The following ZNF469 variants were observed in gnomAD, a reference collection of about 807,000 sequenced individuals.
ZNF469 encodes the protein zinc finger protein 469.
ZNF469 carries 1 observed loss-of-function variant against 1.0 expected under a neutral mutation model. That is an observed-to-expected ratio of 1.00 (90% CI 0.35 to 4.73). ZNF469 has a LOEUF of 4.73. Ranked by LOEUF, ZNF469 falls within the 30% of genes most tolerant of loss-of-function variation. ZNF469 has a pLI of 0.16. For missense variants in ZNF469, 6,100 were observed against 5,356.3 expected (o/e 1.14, Z -4.33); for synonymous variants, 2,703 against 2,363.4 (o/e 1.14, Z -4.17).
At chr16:88,168,610 T>C in the ZNF469 span, among the ~76,000 whole-genome samples, 1 of 152,206 alleles carries the variant, frequency 6.6e-6, no homozygotes, top group Non-Finnish European at 1.5e-5. The surrounding 1 kb of genome is among the most constrained non-coding windows in gnomAD (Gnocchi z 4.3). Flanking sequence ...AGATAAGTCA[T>C]TTTGTCCCCA....
chr16:88,331,172 TACCATCACCACC>T, the ZNF469 span, among the ~76,000 whole-genome samples: 1 of 106,130 alleles, frequency 9.4e-6, no homozygotes, highest in African/African-American at 3.9e-5. Context: ...TCACCATCAT[TACCATCACCACC>T]GTCGTCACCA....
the ZNF469 span, among the ~76,000 whole-genome samples, chr16:88,328,365 G>A: frequency 6.6e-6 from 1 of 152,242 alleles, no homozygotes; most frequent in African/African-American, 2.4e-5. Flanking sequence ...TTCCTTACCT[G>A]TGTGATGGGA....
the ZNF469 span, among the ~76,000 whole-genome samples, chr16:88,318,531 C>T: frequency 6.6e-6 from 1 of 151,846 alleles, no homozygotes; most frequent in African/African-American, 2.4e-5. Flanking sequence ...GTCAGGGAGA[C>T]GCGGTGGCCC....
the ZNF469 span, among the ~76,000 whole-genome samples, chr16:88,283,303 A>T: frequency 6.6e-6 from 1 of 152,156 alleles, no homozygotes; most frequent in South Asian, 2.1e-4. Flanking sequence ...ACTAAAAAAA[A>T]AAAAAGCAAC....
At chr16:88,220,537 T>C in the ZNF469 span, among the ~76,000 whole-genome samples, 1 of 152,162 alleles carries the variant, frequency 6.6e-6, no homozygotes, top group Non-Finnish European at 1.5e-5. Flanking sequence ...AACCGGGTGC[T>C]CTCATCCAAC....
At position 88,436,823 on chromosome 16, in the gene ZNF469, A is replaced by G; in HGVS notation, c.9353A>G (p.Lys3118Arg). The G allele has an allele frequency of 6.5e-7, 1 of 1,538,878 alleles. No individual in the cohort carries two copies. The highest frequency in any genetic ancestry group is 8.7e-7 in the Non-Finnish European group (1 of 1,145,866). ...GGCAGGCGGGCCTCCTACAAGTGCA[A>G]AGTGTGCTTCCAGCGCTTCCGCAGC... The part of the protein sequence containing the change: ...AKGRRASYKC[K>R]VCFQRFRSLG... Residue 3118 changes from lysine (K) to arginine (R), a missense_variant, in exon 3 of 3, where the codon AAA (lysine) becomes AGA (arginine). Transcript: ENST00000565624.
At chr16:88,396,256 A>G (rs545047523) in intron 1 of ZNF469, among the ~76,000 whole-genome samples, 1 of 152,288 alleles carries the variant, frequency 6.6e-6, no homozygotes, top group Non-Finnish European at 1.5e-5. Flanking sequence ...CCAGGTTCTC[A>G]GACAGGGCCG....
intron 1 of ZNF469, among the ~76,000 whole-genome samples, chr16:88,385,789 A>T (rs2092535606): frequency 6.6e-6 from 1 of 152,134 alleles, no homozygotes; most frequent in Non-Finnish European, 1.5e-5. Flanking sequence ...TGAGTGACCA[A>T]ACCCCTCTGG....
chr16:88,188,778 T>C, the ZNF469 span, among the ~76,000 whole-genome samples: 3,643 of 152,220 alleles, frequency 0.024, 154 homozygotes, highest in African/African-American at 0.083. Context: ...CCTGCCCAGA[T>C]CCACTGCACG....
the ZNF469 span, among the ~76,000 whole-genome samples, chr16:88,305,621 C>T: frequency 4.6e-5 from 7 of 151,734 alleles, 1 homozygote; most frequent in Admixed American, 6.6e-5. Flanking sequence ...CACACCCTCA[C>T]GTGCACACAC....
At chr16:88,367,884 C>T in the ZNF469 span, among the ~76,000 whole-genome samples, 95 of 152,360 alleles carry the variant, frequency 6.2e-4, no homozygotes, top group African/African-American at 2.1e-3. Context: ...AGCCCCCACA[C>T]TGCTGAACCA....
the ZNF469 span, among the ~76,000 whole-genome samples, chr16:88,331,325 G>C: frequency 7.6e-6 from 1 of 131,264 alleles, no homozygotes; most frequent in Admixed American, 7.6e-5. Flanking sequence ...TTGTTACCAT[G>C]ACCATCACCA....
chr16:88,343,330 G>C, the ZNF469 span, among the ~76,000 whole-genome samples: 1 of 152,206 alleles, frequency 6.6e-6, no homozygotes, highest in Non-Finnish European at 1.5e-5. Flanking sequence ...GTAACATAAA[G>C]TATCGAATGG....
chr16:88,154,022 A>G, the ZNF469 span, among the ~76,000 whole-genome samples: 8 of 152,232 alleles, frequency 5.3e-5, no homozygotes, highest in African/African-American at 1.9e-4. Context: ...GAATTTGGGG[A>G]CACAGCTCAA....
Position 88,428,339 on chromosome 16 carries a change from C to G in ZNF469, c.869C>G (p.Ala290Gly). Reference sequence around the variant, plus strand: ...GGGGCCAGCACAAAACCCTTCCCTGCGGATGTGGCTGGGCACGCATTCACC... The same window carrying G: ...GGGGCCAGCACAAAACCCTTCCCTGGGGATGTGGCTGGGCACGCATTCACC... The part of the protein sequence containing the change: ...LHGASTKPFP[A>G]DVAGHAFTNG... Residue 290 changes from alanine to glycine, a missense_variant, in exon 3 of 3, where the codon GCG (alanine) becomes GGG (glycine). Transcript: ENST00000565624. 6.5e-7 allele frequency: 1 copy of G among 1,549,776 alleles called. No homozygotes were observed. The highest frequency in any genetic ancestry group is 8.7e-7 in the Non-Finnish European group (1 of 1,146,930).
the ZNF469 span, among the ~76,000 whole-genome samples, chr16:88,367,300 G>T: frequency 7.9e-5 from 12 of 152,336 alleles, no homozygotes; most frequent in East Asian, 2.3e-3. Flanking sequence ...AATCCTTCAA[G>T]GCAAGTATTC....
upstream of ZNF469, among the ~76,000 whole-genome samples, chr16:88,381,028 ACT>A (rs1386190403): frequency 1.4e-5 from 2 of 146,478 alleles, no homozygotes; most frequent in Non-Finnish European, 3.0e-5. Context: ...ACAGACATGC[ACT>A]CACACACATG....
chr16:88,416,183 G>T (rs759836702), intron 1 of ZNF469, among the ~76,000 whole-genome samples: 1 of 152,192 alleles, frequency 6.6e-6, no homozygotes. Context: ...GGCAGTGGGA[G>T]GACCAGGTGA....
At chr16:88,421,401 A>G (rs1226237571) in intron 1 of ZNF469, among the ~76,000 whole-genome samples, 6 of 152,034 alleles carry the variant, frequency 3.9e-5, no homozygotes, top group Non-Finnish European at 7.4e-5. Context: ...GCCTACTGAA[A>G]CCCACACCGA....
Sources: allele counts gnomAD v4.1 joint callset (sites outside exome capture counted in the v4.1 genomes callset), GRCh38; gene constraint gnomAD v4.1.1; non-coding constraint Gnocchi (gnomAD v3.1); transcripts MANE v1.5; gene names NCBI Gene and HGNC (gene_info 2026-07-23, HGNC 2026-07-21).